Variants in DSCAML1 observed in about 807,000 individuals in gnomAD.
DSCAML1 encodes the protein DS cell adhesion molecule like 1.
A neutral mutation model predicts 200.5 loss-of-function variants in DSCAML1; 38 were observed. That is an observed-to-expected ratio of 0.19 (90% CI 0.15 to 0.25). The LOEUF (loss-of-function observed/expected upper bound fraction) is 0.25, where lower values mean the gene tolerates loss of function less well. Ranked by LOEUF, DSCAML1 falls within the 10% of genes least tolerant of loss-of-function variation. DSCAML1 has a pLI of 1.00. For missense variants in DSCAML1, 2,223 were observed against 2,858.8 expected (o/e 0.78, Z 5.07); for synonymous variants, 1,215 against 1,165.0 (o/e 1.04, Z -0.87).
intron 3 of DSCAML1, among the ~76,000 whole-genome samples, chr11:117,738,783 G>A (rs1205068748): frequency 6.6e-6 from 1 of 152,184 alleles, no homozygotes; most frequent in African/African-American, 2.4e-5. Context: ...GTGCAGGTTT[G>A]CACCGGTATA....
chr11:117,810,065 AC>A lies in DSCAML1; in HGVS notation c.-250+7324del, dbSNP rs142876044. Among the ~76,000 whole-genome samples the A allele has an allele frequency of 5.5e-4, 83 of 150,572 alleles. No homozygotes were observed. The East Asian group carries it at 0.015, about 28-fold the overall frequency. ...CATTCACACTCACACACATTCACACACTCACTTACACATTCGCACACACATA... is the reference window on the plus strand; with the variant it reads ...CATTCACACTCACACACATTCACACATCACTTACACATTCGCACACACATA... On this transcript the variant is annotated intron_variant, in intron 1 of 2. Transcript: ENST00000525836.
rs116771401 is a variant in DSCAML1, at chr11:117,780,981, C to T, written c.47-171G>A. 5.4e-3 allele frequency among the ~76,000 whole-genome samples: 816 copies of T among 152,322 alleles called. 6 individuals are homozygous for T. Among genetic ancestry groups the T allele is most frequent in the African/African-American group, 0.018 (769 of 41,572 alleles). On this transcript the variant is annotated intron_variant, in intron 1 of 32. Coordinates refer to ENST00000651296, the MANE Select transcript of DSCAML1 (RefSeq NM_020693.4). This position sits in a 1 kb window ranked among gnomAD's most constrained non-coding sequence, Gnocchi z 4.8. ...ACACCAGGCACTGGCAAAGGTGAAT[C>T]AGAGACAGTTCCTGATCTATAGAAA... is the stretch of plus-strand genomic sequence containing the variant.
upstream of DSCAML1, among the ~76,000 whole-genome samples, chr11:117,802,237 A>C (rs1261933119): frequency 1.3e-5 from 2 of 152,062 alleles, no homozygotes; most frequent in Non-Finnish European, 2.9e-5. Context: ...AAGGCTTCCC[A>C]TTCAGCAGGG....
intron 3 of DSCAML1, among the ~76,000 whole-genome samples, chr11:117,564,662 T>TTTCC (rs2050722565): frequency 6.6e-6 from 1 of 151,996 alleles, no homozygotes; most frequent in East Asian, 1.9e-4. Context: ...TTTCTTTTTC[T>TTTCC]TTCCTTCCTC....
intron 3 of DSCAML1, among the ~76,000 whole-genome samples, chr11:117,731,185 C>T (rs1366754909): frequency 6.6e-6 from 1 of 152,136 alleles, no homozygotes; most frequent in Non-Finnish European, 1.5e-5. Flanking sequence ...AAAAAATTGC[C>T]TGCCCTATTG....
At chr11:117,445,032 G>A (rs1280001494) in intron 20 of DSCAML1, among the ~76,000 whole-genome samples, 1 of 152,116 alleles carries the variant, frequency 6.6e-6, no homozygotes, top group Non-Finnish European at 1.5e-5. Context: ...AGTTATCTCT[G>A]CAGTCACAGG....
chr11:117,695,297 TTTTC>T lies in DSCAML1; in HGVS notation c.511+81490_511+81493del, dbSNP rs1318493795. On this transcript the variant is annotated intron_variant, in intron 3 of 32. Coordinates refer to ENST00000651296, the MANE Select transcript of DSCAML1 (RefSeq NM_020693.4). Reference sequence around the variant, plus strand: ...AATAACAGGGCAGATCTTTTTTTTCTTTTCTTTCTTTCTTTTTCTTTTTTTTTTT... The same window carrying T: ...AATAACAGGGCAGATCTTTTTTTTCTTTTCTTTCTTTTTCTTTTTTTTTTT... Among the ~76,000 whole-genome samples the T allele has an allele frequency of 1.9e-3, 289 of 151,122 alleles. 1 individual carries two copies. The highest frequency in any genetic ancestry group is 6.6e-3 in the African/African-American group (270 of 40,786).
chr11:117,639,670 G>A (rs375977847), intron 3 of DSCAML1, among the ~76,000 whole-genome samples: 8 of 152,264 alleles, frequency 5.3e-5, no homozygotes, highest in African/African-American at 1.2e-4. Context: ...GATGCAGACG[G>A]TAGGCTTGTC....
intron 3 of DSCAML1, among the ~76,000 whole-genome samples, chr11:117,595,514 A>T (rs549549519): frequency 6.6e-6 from 1 of 152,274 alleles, no homozygotes; most frequent in Admixed American, 6.5e-5. Flanking sequence ...CATCTTCAAA[A>T]ACATCATTTT....
At chr11:117,700,158 C>A (rs1038872046) in intron 3 of DSCAML1, among the ~76,000 whole-genome samples, 1 of 152,164 alleles carries the variant, frequency 6.6e-6, no homozygotes, top group Admixed American at 6.5e-5. Context: ...TGGTGCCTGG[C>A]GACTGCCCAG....
intron 3 of DSCAML1, among the ~76,000 whole-genome samples, chr11:117,744,381 T>G (rs540967382): frequency 6.6e-6 from 1 of 152,358 alleles, no homozygotes; most frequent in South Asian, 2.1e-4. Flanking sequence ...ATTCCAGTCC[T>G]GCAGGGCAGG....
chr11:117,649,244 A>G (rs1161098565), intron 3 of DSCAML1, among the ~76,000 whole-genome samples: 1 of 151,912 alleles, frequency 6.6e-6, no homozygotes, highest in African/African-American at 2.4e-5. Flanking sequence ...CACCAGGCTA[A>G]TTTTTGTATT....
chr11:117,723,458 C>G (rs2054072834), intron 3 of DSCAML1, among the ~76,000 whole-genome samples: 1 of 152,196 alleles, frequency 6.6e-6, no homozygotes, highest in Non-Finnish European at 1.5e-5. Context: ...AAATGCCGTG[C>G]TAAAATCCTC....
chr11:117,650,314 G>A (rs1258031356), intron 3 of DSCAML1, among the ~76,000 whole-genome samples: 3 of 152,186 alleles, frequency 2.0e-5, no homozygotes, highest in Non-Finnish European at 2.9e-5. Flanking sequence ...AGGCTTTGCA[G>A]GCCCTCAGGC....
chr11:117,618,955 C>T (rs1005761569), intron 3 of DSCAML1, among the ~76,000 whole-genome samples: 1 of 152,154 alleles, frequency 6.6e-6, no homozygotes, highest in Non-Finnish European at 1.5e-5. Flanking sequence ...CTGCAGAAGG[C>T]GAGCTCCTTT....
At chr11:117,447,302 A>C (rs562411191) in intron 20 of DSCAML1, among the ~76,000 whole-genome samples, 110 of 152,308 alleles carry the variant, frequency 7.2e-4, no homozygotes, top group African/African-American at 2.5e-3. Context: ...ACACGAAAAA[A>C]TGTTTTAGAA....
At chr11:117,781,665 C>T (rs2055265806) in intron 1 of DSCAML1, among the ~76,000 whole-genome samples, 1 of 152,268 alleles carries the variant, frequency 6.6e-6, no homozygotes, top group Non-Finnish European at 1.5e-5. Context: ...ACCCAGTCCT[C>T]ACACCATGTG....
At position 117,441,742 on chromosome 11, in the gene DSCAML1, CGTGCCAG is replaced by C. The variant is rs539363758; in HGVS notation, c.3863-1813_3863-1807del. Reference sequence around the variant, plus strand: ...CGTGGGGGTGGGCTCCTGTGCTGGTCGTGCCAGGTGCCAAGGGGCTCTCAGAGCAGGG... The same window carrying C: ...CGTGGGGGTGGGCTCCTGTGCTGGTCGTGCCAAGGGGCTCTCAGAGCAGGG... On this transcript the variant is annotated intron_variant, in intron 21 of 32. Transcript: ENST00000651296. Among the ~76,000 whole-genome samples the C allele has an allele frequency of 2.6e-3, 395 of 151,986 alleles. 2 individuals carry two copies. Among genetic ancestry groups the C allele is most frequent in the African/African-American group, 9.2e-3 (383 of 41,428 alleles).
chr11:117,449,587 A>T (rs1274785974), intron 20 of DSCAML1, among the ~76,000 whole-genome samples: 1 of 151,992 alleles, frequency 6.6e-6, no homozygotes, highest in African/African-American at 2.4e-5. Flanking sequence ...CCAGTTGTTG[A>T]TGGAGGGAGG....
Sources: allele counts gnomAD v4.1 joint callset (sites outside exome capture counted in the v4.1 genomes callset), GRCh38; gene constraint gnomAD v4.1.1; non-coding constraint Gnocchi (gnomAD v3.1); transcripts MANE v1.5; gene names NCBI Gene and HGNC (gene_info 2026-07-23, HGNC 2026-07-21).